Variants in AAK1 observed in about 807,000 individuals in gnomAD.
AAK1 encodes the protein AP2-associated protein kinase 1.
Under a neutral mutation model 116.0 loss-of-function variants are expected in AAK1, and 37 were observed. That is an observed-to-expected ratio of 0.32 (90% CI 0.25 to 0.42). The LOEUF (loss-of-function observed/expected upper bound fraction) is 0.42, where lower values mean the gene tolerates loss of function less well. AAK1 is among the 10% of genes least tolerant of loss of function. The pLI is 1.00. For synonymous variants in AAK1, 458 were observed against 439.9 expected, an observed-to-expected ratio of 1.04 and a Z score of -0.51; for missense variants, 919 against 1,170.6, an observed-to-expected ratio of 0.79 and a Z score of 3.14.
chr2:69,525,230 G>T, intron 9 of AAK1, 118 bp from the exon 10 acceptor site: 1 of 1,000,982 alleles, frequency 1.0e-6, no homozygotes, highest in Non-Finnish European at 1.5e-6. Flanking sequence ...GGATCTTCTG[G>T]AGCAGCTTCC....
intron 2 of AAK1, among the ~76,000 whole-genome samples, chr2:69,596,646 A>G (rs1175864238): frequency 6.6e-6 from 1 of 152,264 alleles, no homozygotes; most frequent in East Asian, 1.9e-4. Flanking sequence ...AGGACTCACC[A>G]TCTTAGATAT....
In AAK1 at chr2:69,473,592, T is replaced by C. The variant is rs1674752055; in HGVS notation, c.*2277A>G. 4.1e-6 allele frequency: 4 copies of C among 985,246 alleles called. No individual in the cohort carries two copies. The highest frequency in any genetic ancestry group is 6.2e-5 in the Admixed American group (1 of 16,254). The allele number at this position is 985,246 out of a possible 1,614,324, so 61.0% of individuals were successfully genotyped here. A position where few individuals can be genotyped will look rare whatever the true frequency, so the allele number is the denominator to read the frequency against. ...CTCCATTAAGCTTTACTGAGCCAAATGACTAGATAATATATTTCAATGTAA... is the reference window on the plus strand; with the variant it reads ...CTCCATTAAGCTTTACTGAGCCAAACGACTAGATAATATATTTCAATGTAA... On this transcript the variant is annotated 3_prime_UTR_variant, in exon 22 of 22. Coordinates refer to ENST00000409085, the MANE Select transcript of AAK1 (RefSeq NM_014911.5).
At chr2:69,643,505 C>A in intron 1 of AAK1, 70 bp downstream of exon 1, 1 of 1,222,868 alleles carries the variant, frequency 8.2e-7, no homozygotes, top group South Asian at 4.2e-5. Context: ...GCCGACCCTC[C>A]CGGGCACTGC....
intron 5 of AAK1, among the ~76,000 whole-genome samples, chr2:69,539,128 G>A (rs1173781480): frequency 2.0e-5 from 3 of 152,124 alleles, no homozygotes; most frequent in Non-Finnish European, 4.4e-5. Context: ...ACTCAGGCTC[G>A]GAGAGGCTAG....
chr2:69,500,539 A>C (rs907247630), intron 16 of AAK1, among the ~76,000 whole-genome samples: 1 of 151,714 alleles, frequency 6.6e-6, no homozygotes, highest in African/African-American at 2.4e-5. Context: ...ACCTGAGATA[A>C]TGAGCAAGAA....
intron 2 of AAK1, among the ~76,000 whole-genome samples, chr2:69,634,769 A>G (rs567956375): frequency 3.7e-4 from 56 of 152,362 alleles, no homozygotes; most frequent in African/African-American, 1.2e-3. Context: ...CCTCACCTTC[A>G]TGGAACCTTG....
At position 69,471,525 on chromosome 2, in the gene AAK1, T is replaced by C. The variant is rs1337271601; in HGVS notation, c.*4344A>G. ...CATTCTAAATATTCATGTGATAGTT[T>C]TTCTGTTCTGCCAGGCAGCCTCTAA... On this transcript the variant is annotated 3_prime_UTR_variant, in exon 22 of 22. Transcript: ENST00000409085. The C allele has an allele frequency of 1.0e-6, 1 of 985,338 alleles. No homozygotes were observed. Among genetic ancestry groups the C allele is most frequent in the Non-Finnish European group, 1.2e-6 (1 of 829,942 alleles). The allele number at this position is 985,338 out of a possible 1,614,324, so 61.0% of individuals were successfully genotyped here.
At chr2:69,493,610 G>A (rs897464382) in intron 17 of AAK1, among the ~76,000 whole-genome samples, 3 of 152,170 alleles carry the variant, frequency 2.0e-5, no homozygotes, top group Non-Finnish European at 4.4e-5. Context: ...AGTGTCGTTG[G>A]CACAGCTGAT....
At chr2:69,494,216 T>A (rs528979764) in intron 17 of AAK1, among the ~76,000 whole-genome samples, 20 of 152,022 alleles carry the variant, frequency 1.3e-4, no homozygotes, top group Admixed American at 9.2e-4. Context: ...CAGTAACATT[T>A]CAGCAGGAAT....
At position 69,468,317 on chromosome 2, in the gene AAK1, G is replaced by A; in HGVS notation, c.*7552C>T. 2.0e-6 allele frequency: 2 copies of A among 985,238 alleles called. No homozygotes were observed. The highest frequency in any genetic ancestry group is 2.4e-6 in the Non-Finnish European group (2 of 829,884). 61.0% of individuals were successfully genotyped at this position (985,238 alleles called of 1,614,324 possible). A position where few individuals can be genotyped will look rare whatever the true frequency, so the allele number is the denominator to read the frequency against. On this transcript the variant is annotated 3_prime_UTR_variant, in exon 22 of 22. Coordinates refer to ENST00000409085, the MANE Select transcript of AAK1 (RefSeq NM_014911.5). The stretch of plus-strand genomic sequence containing the variant: ...GATACCAAGATGATAATTTCTGGGA[G>A]GAAATTCAAATAAAAGGGAGAAAAA...
intron 2 of AAK1, among the ~76,000 whole-genome samples, chr2:69,609,738 C>A (rs1181247966): frequency 2.0e-5 from 3 of 151,404 alleles, no homozygotes; most frequent in Non-Finnish European, 4.4e-5. Flanking sequence ...CTCTGAATAA[C>A]CAAAACAAAT....
chr2:69,564,190 T>C (rs1006241179), intron 2 of AAK1, among the ~76,000 whole-genome samples: 18 of 147,540 alleles, frequency 1.2e-4, no homozygotes, highest in African/African-American at 4.3e-4. Context: ...AGACTCCATC[T>C]CAAAAAAAAA....
At chr2:69,573,860 G>A (rs1263983490) in intron 2 of AAK1, among the ~76,000 whole-genome samples, 15 of 151,784 alleles carry the variant, frequency 9.9e-5, no homozygotes, top group East Asian at 7.8e-4. Context: ...TTAGCTGGGC[G>A]TGGTTGCGGG....
rs1397811590 is a variant in AAK1 at position 69,471,598 on chromosome 2, G to A, written c.*4271C>T. The A allele has an allele frequency of 2.0e-6, 2 of 985,256 alleles. No individual in the cohort carries two copies. The highest frequency in any genetic ancestry group is 6.1e-5 in the Admixed American group (1 of 16,262). The allele number at this position is 985,256 out of a possible 1,614,324, so 61.0% of individuals were successfully genotyped here. A position where few individuals can be genotyped will look rare whatever the true frequency, so the allele number is the denominator to read the frequency against. ...GCAATCCTGTCATTTTCATCCCAAA[G>A]CTCAAAGTTAGTGGCTATGGGAGCC... On this transcript the variant is annotated 3_prime_UTR_variant, in exon 22 of 22. Coordinates refer to ENST00000409085, the MANE Select transcript of AAK1 (RefSeq NM_014911.5).
Position 69,504,776 on chromosome 2 carries a change from A to G in AAK1, c.2269+793T>C, listed in dbSNP as rs554912433. 7.2e-5 allele frequency among the ~76,000 whole-genome samples: 11 copies of G among 152,244 alleles called. 1 individual carries two copies. In the Middle Eastern group the frequency reaches 0.01, roughly 141 times the overall value. Reference sequence around the variant, plus strand: ...AGCGAGACTCCATCTCAAAAAATAAAATTGTGGTCATGTGTATTCTGGTCA... The same window carrying G: ...AGCGAGACTCCATCTCAAAAAATAAGATTGTGGTCATGTGTATTCTGGTCA... On this transcript the variant is annotated intron_variant, in intron 16 of 21. Coordinates refer to ENST00000409085, the MANE Select transcript of AAK1 (RefSeq NM_014911.5).
chr2:69,631,026 C>G (rs1675151344), intron 2 of AAK1, among the ~76,000 whole-genome samples: 1 of 152,198 alleles, frequency 6.6e-6, no homozygotes, highest in Non-Finnish European at 1.5e-5. Flanking sequence ...GTAAAATAAT[C>G]AGCACTTCCT....
intron 21 of AAK1, among the ~76,000 whole-genome samples, chr2:69,476,250 A>G (rs1039079462): frequency 6.6e-6 from 1 of 152,178 alleles, no homozygotes; most frequent in African/African-American, 2.4e-5. Context: ...TCAAATCAAT[A>G]CTTTTTTTGG....
intron 5 of AAK1, among the ~76,000 whole-genome samples, chr2:69,541,235 T>TC (rs1670706695): frequency 6.7e-6 from 1 of 148,892 alleles, no homozygotes; most frequent in Non-Finnish European, 1.5e-5. Context: ...TTCTTTTTTT[T>TC]TTTTTTTTTT....
At chr2:69,494,920 G>A (rs1477657805) in intron 17 of AAK1, among the ~76,000 whole-genome samples, 1 of 152,164 alleles carries the variant, frequency 6.6e-6, no homozygotes, top group Non-Finnish European at 1.5e-5. Flanking sequence ...TACCCTAGCT[G>A]CAGTCTGTCT....
Sources: gnomAD v4.1 joint callset for allele counts (sites outside exome capture counted in the v4.1 genomes callset) on GRCh38, gnomAD v4.1.1 for gene constraint, MANE v1.5 for transcripts, NCBI Gene and HGNC (gene_info 2026-07-23, HGNC 2026-07-21) for gene names.